The following NTM variants were observed in gnomAD, a reference collection of about 807,000 sequenced individuals.
The protein encoded by NTM is IgLON family member 2.
NTM carries 13 observed loss-of-function variants against 42.1 expected under a neutral mutation model. That is an observed-to-expected ratio of 0.31 (90% CI 0.20 to 0.49). NTM has a LOEUF of 0.49. NTM is among the 20% of genes least tolerant of loss of function. The pLI, the probability that NTM is intolerant of heterozygous loss-of-function variation, is 0.99. For synonymous variants in NTM, 187 were observed against 179.2 expected (o/e 1.04, Z -0.35); for missense variants, 373 against 452.8 (o/e 0.82, Z 1.60).
chr11:131,403,691 C>A (rs943122248), intron 1 of NTM, among the ~76,000 whole-genome samples: 3 of 152,134 alleles, frequency 2.0e-5, no homozygotes, highest in East Asian at 1.9e-4. Context: ...TCTTCTCCCC[C>A]TCCTCAAAAG....
At chr11:132,230,002 C>G (rs185870881) in intron 4 of NTM, among the ~76,000 whole-genome samples, 1 of 152,236 alleles carries the variant, frequency 6.6e-6, no homozygotes, top group Non-Finnish European at 1.5e-5. Context: ...CTGCCTTGAG[C>G]AAGTCATTTA....
At chr11:132,139,591 G>A (rs2068678103) in intron 2 of NTM, among the ~76,000 whole-genome samples, 2 of 152,188 alleles carry the variant, frequency 1.3e-5, no homozygotes, top group South Asian at 2.1e-4. Flanking sequence ...ACAGAGCAAA[G>A]GCTTCTTGAT....
intron 2 of NTM, among the ~76,000 whole-genome samples, chr11:131,990,092 A>G (rs2066757085): frequency 6.6e-6 from 1 of 152,126 alleles, no homozygotes; most frequent in East Asian, 1.9e-4. Flanking sequence ...CCCAAAAGCA[A>G]CCTGTACATT....
At chr11:132,300,846 C>T (rs950473194) in intron 4 of NTM, among the ~76,000 whole-genome samples, 2 of 152,166 alleles carry the variant, frequency 1.3e-5, no homozygotes, top group African/African-American at 4.8e-5. Context: ...TCTTGTGCCA[C>T]CCCCTTTGAC....
chr11:132,207,567 T>C (rs2082179474), intron 3 of NTM, among the ~76,000 whole-genome samples: 1 of 152,200 alleles, frequency 6.6e-6, no homozygotes, highest in African/African-American at 2.4e-5. Context: ...AAACCATTCC[T>C]TCCCGCATCC....
intron 1 of NTM, among the ~76,000 whole-genome samples, chr11:131,408,110 C>T (rs1269904946): frequency 1.3e-5 from 2 of 152,150 alleles, no homozygotes; most frequent in African/African-American, 2.4e-5. Flanking sequence ...TTCCAGGCCT[C>T]CCCTAAACTA....
intron 1 of NTM, among the ~76,000 whole-genome samples, chr11:131,616,715 G>A (rs1387106085): frequency 1.3e-5 from 2 of 152,018 alleles, no homozygotes; most frequent in Non-Finnish European, 2.9e-5. Context: ...GGGACAGAGA[G>A]AACATGCGGT....
At chr11:132,046,316 A>T (rs978490911) in intron 2 of NTM, among the ~76,000 whole-genome samples, 3 of 150,520 alleles carry the variant, frequency 2.0e-5, no homozygotes, top group African/African-American at 7.4e-5. Flanking sequence ...TTTTTTGTTG[A>T]AGGCATTCAA....
intron 1 of NTM, among the ~76,000 whole-genome samples, chr11:131,583,727 A>T (rs1040100): frequency 6.6e-6 from 1 of 151,922 alleles, no homozygotes; most frequent in Admixed American, 6.6e-5. Flanking sequence ...TGGAGGCAGG[A>T]CTCTTTAGTT....
At chr11:132,267,855 CA>C (rs927047157) in intron 4 of NTM, among the ~76,000 whole-genome samples, 8 of 146,064 alleles carry the variant, frequency 5.5e-5, no homozygotes, top group South Asian at 4.5e-4. Context: ...AAAAAAAAAA[CA>C]AAAAAAACCC....
intron 2 of NTM, among the ~76,000 whole-genome samples, chr11:132,097,033 T>C (rs2061087015): frequency 6.6e-6 from 1 of 152,170 alleles, no homozygotes; most frequent in South Asian, 2.1e-4. Context: ...CCCAGCTGAA[T>C]AGATTTGTTT....
At chr11:131,631,249 G>A (rs1323145689) in intron 1 of NTM, among the ~76,000 whole-genome samples, 4 of 152,198 alleles carry the variant, frequency 2.6e-5, no homozygotes, top group Non-Finnish European at 4.4e-5. Context: ...TGAAAAGCAC[G>A]TAGCTTACTA....
chr11:131,873,785 A>G (rs996887815), intron 1 of NTM, among the ~76,000 whole-genome samples: 10 of 142,490 alleles, frequency 7.0e-5, no homozygotes, highest in Non-Finnish European at 1.1e-4. Flanking sequence ...AAGTCAGGAA[A>G]CAACAGGTGC....
chr11:131,877,455 A>G (rs554863892), intron 1 of NTM, among the ~76,000 whole-genome samples: 19 of 152,296 alleles, frequency 1.2e-4, no homozygotes, highest in African/African-American at 4.3e-4. Context: ...GTCTCACATG[A>G]CAATGAATGC....
chr11:131,768,737 C>T (rs1204322898), intron 1 of NTM, among the ~76,000 whole-genome samples: 2 of 152,178 alleles, frequency 1.3e-5, no homozygotes, highest in African/African-American at 4.8e-5. Flanking sequence ...TAAAATGCTT[C>T]GCAATGTCTT....
At chr11:131,691,296 G>T (rs1413831380) in intron 1 of NTM, among the ~76,000 whole-genome samples, 1 of 152,230 alleles carries the variant, frequency 6.6e-6, no homozygotes, top group Admixed American at 6.5e-5. Flanking sequence ...CTCTGTTGGC[G>T]GCCGGGGGCC....
intron 1 of NTM, among the ~76,000 whole-genome samples, chr11:131,458,128 G>A (rs770763092): frequency 6.6e-6 from 1 of 152,224 alleles, no homozygotes; most frequent in Admixed American, 6.5e-5. Context: ...TGAGCCTGGA[G>A]TTACTCCAAT....
intron 1 of NTM, among the ~76,000 whole-genome samples, chr11:131,487,875 A>G (rs1283399681): frequency 6.6e-6 from 1 of 152,236 alleles, no homozygotes; most frequent in Non-Finnish European, 1.5e-5. Flanking sequence ...AATGGGGAAG[A>G]GGACCACTTT....
rs548041205 is a variant in NTM, at chr11:131,454,788, A to C, written c.82+83900A>C. 2.7e-5 allele frequency among the ~76,000 whole-genome samples: 4 copies of C among 146,590 alleles called. No individual in the cohort carries two copies. The South Asian group carries it at 8.5e-4, about 31-fold the overall frequency. On this transcript the variant is annotated intron_variant, in intron 1 of 8. Coordinates refer to ENST00000683400, the MANE Select transcript of NTM (RefSeq NM_001352005.2). The stretch of plus-strand genomic sequence containing the variant: ...ATCCTGATCTGTGGACATCCTCCAC[A>C]CCCTGATTTGATATTACGCTGGGGC...
Sources: allele counts gnomAD v4.1 joint callset (sites outside exome capture counted in the v4.1 genomes callset), GRCh38; gene constraint gnomAD v4.1.1; transcripts MANE v1.5; gene names NCBI Gene and HGNC (gene_info 2026-07-23, HGNC 2026-07-21).